The following ATP6V1E1 variants were observed in gnomAD, a reference collection of about 807,000 sequenced individuals.
ATP6V1E1 encodes the protein ATPase H+ transporting V1 subunit E1, also known as V-type proton ATPase subunit E 1.
A neutral mutation model predicts 35.2 loss-of-function variants in ATP6V1E1; 21 were observed. The ratio of observed to expected loss-of-function variants is 0.60; its 90% confidence interval spans 0.42 to 0.86. ATP6V1E1 has a LOEUF of 0.86. ATP6V1E1 is among the 40% of genes least tolerant of loss of function. The pLI, the probability that ATP6V1E1 is intolerant of heterozygous loss-of-function variation, is 0.00. For synonymous variants in ATP6V1E1, 83 were observed against 87.8 expected, an observed-to-expected ratio of 0.95 and a Z score of 0.30; for missense variants, 183 against 272.6, an observed-to-expected ratio of 0.67 and a Z score of 2.32.
In ATP6V1E1 at chr22:17,594,519, C is replaced by A; in HGVS notation, c.618+10G>T. The A allele has an allele frequency of 6.4e-7, 1 of 1,560,566 alleles. No individual in the cohort carries two copies. Among genetic ancestry groups the A allele is most frequent in the South Asian group, 1.2e-5 (1 of 82,274 alleles). ...GCAGACCAACTACCAAGAAGTACCCCCACACTCACCTGCTGGGCTATGAGA... is the reference window on the plus strand; with the variant it reads ...GCAGACCAACTACCAAGAAGTACCCACACACTCACCTGCTGGGCTATGAGA... On this transcript the variant is annotated intron_variant, in intron 8 of 8. Transcript: ENST00000253413.
intron 8 of ATP6V1E1, among the ~76,000 whole-genome samples, chr22:17,594,065 G>C (rs890582507): frequency 5.3e-5 from 8 of 152,124 alleles, no homozygotes; most frequent in Non-Finnish European, 1.2e-4. Context: ...AGCCGGGTGT[G>C]GTGGCAGGTG....
rs1438858389 is a variant in ATP6V1E1, at chr22:17,592,767, TG to T, written c.619-32del. 4 of 1,570,406 alleles carry T rather than the reference TG, an allele frequency of 2.5e-6. No individual in the cohort carries two copies. The African/African-American group carries it at 5.5e-5, about 21-fold the overall frequency. On this transcript the variant is annotated intron_variant, in intron 8 of 8. Coordinates refer to ENST00000253413, the MANE Select transcript of ATP6V1E1 (RefSeq NM_001696.4). ...GAGAGAAAGTGTAATAAATACGCAA[TG>T]TCAGCTGAAGAAGTTGTAGAGCGCT...
intron 2 of ATP6V1E1, among the ~76,000 whole-genome samples, chr22:17,614,923 C>A (rs9605343): frequency 0.13 from 19,294 of 149,466 alleles, 1,313 homozygotes; most frequent in Middle Eastern, 0.22. Context: ...GAACCGAGAT[C>A]GCGCCTGGGC....
intron 4 of ATP6V1E1, among the ~76,000 whole-genome samples, chr22:17,604,325 A>C (rs1309278102): frequency 7.2e-5 from 11 of 152,260 alleles, no homozygotes; most frequent in Admixed American, 6.5e-4. Context: ...ACTGCAGTTC[A>C]CATGTGGGCT....
At chr22:17,608,560 G>A (rs2057797294) in intron 4 of ATP6V1E1, among the ~76,000 whole-genome samples, 1 of 151,902 alleles carries the variant, frequency 6.6e-6, no homozygotes, top group Admixed American at 6.6e-5. Flanking sequence ...AGAGTAGCTG[G>A]GACCACAGGC....
intron 4 of ATP6V1E1, among the ~76,000 whole-genome samples, chr22:17,607,198 G>A (rs1365831861): frequency 6.6e-6 from 1 of 150,550 alleles, no homozygotes; most frequent in Non-Finnish European, 1.5e-5. Context: ...TCACTCTGTC[G>A]CCAGGCTGGA....
intron 4 of ATP6V1E1, among the ~76,000 whole-genome samples, chr22:17,610,113 AC>A (rs1352984538): frequency 7.1e-6 from 1 of 141,264 alleles, no homozygotes; most frequent in Admixed American, 7.0e-5. Flanking sequence ...ACATAGCCAG[AC>A]CATGCCTCTT....
chr22:17,617,317 T>C (rs938154917), intron 2 of ATP6V1E1, among the ~76,000 whole-genome samples: 1 of 151,972 alleles, frequency 6.6e-6, no homozygotes, highest in South Asian at 2.1e-4. Flanking sequence ...TGAGACAGAG[T>C]CTTACTCTGT....
chr22:17,618,085 C>T (rs955944450), intron 2 of ATP6V1E1, among the ~76,000 whole-genome samples: 4 of 152,222 alleles, frequency 2.6e-5, no homozygotes, highest in African/African-American at 7.2e-5. Context: ...GCTGGGATTA[C>T]AGGCGTGAGC....
intron 3 of ATP6V1E1, 63 bp downstream of exon 3, chr22:17,613,148 A>G (rs113240183): frequency 1.1e-5 from 16 of 1,432,016 alleles, no homozygotes; most frequent in African/African-American, 8.5e-5. Flanking sequence ...GCCTGACTCC[A>G]AAGCGCCTGC....
chr22:17,604,537 T>TTTTTTTTTA (rs1170412440), intron 4 of ATP6V1E1, among the ~76,000 whole-genome samples: 1 of 151,874 alleles, frequency 6.6e-6, no homozygotes, highest in Admixed American at 6.6e-5. Flanking sequence ...TTTTTTTTTT[T>TTTTTTTTTA]GAGACGGAGT....
chr22:17,609,020 G>A (rs1015692917), intron 4 of ATP6V1E1, among the ~76,000 whole-genome samples: 4 of 152,062 alleles, frequency 2.6e-5, no homozygotes, highest in Admixed American at 1.3e-4. Flanking sequence ...CCGGGAGGCA[G>A]AGTCTGCAGT....
chr22:17,601,673 T>G (rs933922239), intron 4 of ATP6V1E1, among the ~76,000 whole-genome samples: 1 of 152,216 alleles, frequency 6.6e-6, no homozygotes, highest in Non-Finnish European at 1.5e-5. Flanking sequence ...AATGGTGCAA[T>G]CTCGGCTCAC....
Position 17,613,207 on chromosome 22 carries a change from T to C in ATP6V1E1, c.209+4A>G. On this transcript the variant is annotated splice_donor_region_variant and intron_variant, in intron 3 of 8. Transcript: ENST00000253413. Reference sequence around the variant, plus strand: ...GCTTAATACTGCAACCAGGATCTACTTACATTTTCTTCTGCTGCTCAATCT... The same window carrying C: ...GCTTAATACTGCAACCAGGATCTACCTACATTTTCTTCTGCTGCTCAATCT... The C allele has an allele frequency of 6.2e-7, 1 of 1,608,818 alleles. No individual in the cohort carries two copies. The highest frequency in any genetic ancestry group is 8.5e-7 in the Non-Finnish European group (1 of 1,177,270).
intron 8 of ATP6V1E1, among the ~76,000 whole-genome samples, chr22:17,593,116 GA>G: frequency 6.6e-6 from 1 of 152,198 alleles, no homozygotes; most frequent in African/African-American, 2.4e-5. Flanking sequence ...ACCACAGGTG[GA>G]AAGCCATGAA....
chr22:17,628,801 C>T (rs1287365764), upstream of ATP6V1E1: 2 of 883,756 alleles, frequency 2.3e-6, no homozygotes, highest in East Asian at 2.6e-5. Flanking sequence ...TCCTCATGAC[C>T]CTTCTCAGCC....
At chr22:17,613,381 A>G in intron 2 of ATP6V1E1, 61 bp from the exon 3 acceptor site, 1 of 1,408,870 alleles carries the variant, frequency 7.1e-7, no homozygotes, top group Middle Eastern at 1.8e-4. Context: ...AGTTTTAAAC[A>G]GCTGGTGACC....
intron 5 of ATP6V1E1, 121 bp from the exon 6 acceptor site, chr22:17,600,216 C>A: frequency 1.2e-6 from 1 of 829,766 alleles, no homozygotes; most frequent in Non-Finnish European, 1.9e-6. Context: ...GGGCGGATTG[C>A]CTGAGCTCAG....
At chr22:17,626,287 A>G (rs1193647379) in intron 1 of ATP6V1E1, among the ~76,000 whole-genome samples, 15 of 144,890 alleles carry the variant, frequency 1.0e-4, no homozygotes, top group African/African-American at 3.6e-4. Flanking sequence ...CAGCCTGGGC[A>G]ACAGAGCGAG....
Sources: gnomAD v4.1 joint callset for allele counts (sites outside exome capture counted in the v4.1 genomes callset) on GRCh38, gnomAD v4.1.1 for gene constraint, MANE v1.5 for transcripts, NCBI Gene and HGNC (gene_info 2026-07-23, HGNC 2026-07-21) for gene names.